Variants in MAP3K5 observed in about 807,000 individuals in gnomAD.
MAP3K5 encodes the protein ASK-1.
In MAP3K5, 56 loss-of-function variants were observed where a neutral mutation model predicts 158.7. That is an observed-to-expected ratio of 0.35 (90% CI 0.28 to 0.44). The LOEUF is 0.44. MAP3K5 is among the 20% of genes least tolerant of loss of function. The pLI is 1.00. For missense variants in MAP3K5, 1,294 were observed against 1,674.8 expected (o/e 0.77, Z 3.97); for synonymous variants, 579 against 601.7 (o/e 0.96, Z 0.55).
At chr6:136,640,141 T>C (rs1252816062) in intron 12 of MAP3K5, among the ~76,000 whole-genome samples, 1 of 152,196 alleles carries the variant, frequency 6.6e-6, no homozygotes, top group Non-Finnish European at 1.5e-5. Flanking sequence ...ACTCAGTGAG[T>C]GGCTGACTTT....
intron 1 of MAP3K5, among the ~76,000 whole-genome samples, chr6:136,749,073 T>C (rs1475604096): frequency 6.6e-6 from 1 of 152,250 alleles, no homozygotes; most frequent in Non-Finnish European, 1.5e-5. Context: ...GCACAGTGGC[T>C]CATGCCTATA....
chr6:136,718,272 T>C (rs900972292), intron 2 of MAP3K5, among the ~76,000 whole-genome samples: 2 of 152,180 alleles, frequency 1.3e-5, no homozygotes, highest in Admixed American at 6.5e-5. Flanking sequence ...TGCAGTGGTG[T>C]GATCTCAGCT....
chr6:136,589,598 T>G (rs1420085065), intron 23 of MAP3K5, among the ~76,000 whole-genome samples: 2 of 152,284 alleles, frequency 1.3e-5, no homozygotes, highest in East Asian at 3.9e-4. Flanking sequence ...ATGGGATATA[T>G]TTGGAGACAG....
intron 14 of MAP3K5, among the ~76,000 whole-genome samples, chr6:136,624,766 G>A (rs1776958766): frequency 6.6e-6 from 1 of 152,086 alleles, no homozygotes; most frequent in African/African-American, 2.4e-5. Flanking sequence ...ATGGAGTTAG[G>A]TAGATGAAAA....
At chr6:136,614,032 G>A (rs1335059841) in intron 16 of MAP3K5, 127 bp downstream of exon 16, 1 of 931,742 alleles carries the variant, frequency 1.1e-6, no homozygotes, top group Non-Finnish European at 1.6e-6. Flanking sequence ...TGGAGGTAAT[G>A]TCACATGTCC....
chr6:136,700,835 G>C (rs1202316015), intron 3 of MAP3K5, among the ~76,000 whole-genome samples: 1 of 152,192 alleles, frequency 6.6e-6, no homozygotes, highest in East Asian at 1.9e-4. Context: ...CAGAGGCTGA[G>C]AACTAGAAAG....
chr6:136,625,302 G>A (rs1776982202), intron 14 of MAP3K5, among the ~76,000 whole-genome samples: 1 of 152,216 alleles, frequency 6.6e-6, no homozygotes, highest in South Asian at 2.1e-4. Flanking sequence ...TATTTACCAA[G>A]ATTAAGAGTG....
chr6:136,759,478 A>ATATATATATATATATG (rs1314392417), intron 1 of MAP3K5, among the ~76,000 whole-genome samples: 5 of 143,768 alleles, frequency 3.5e-5, no homozygotes, highest in Admixed American at 7.0e-5. Context: ...ATATATATAT[A>ATATATATATATATATG]TATAAAGTTT....
chr6:136,666,939 A>C (rs1196975586), intron 8 of MAP3K5, among the ~76,000 whole-genome samples: 1 of 152,374 alleles, frequency 6.6e-6, no homozygotes, highest in East Asian at 1.9e-4. Context: ...ATGTTTGTTT[A>C]ACATGTATTA....
rs79060604 is a variant in MAP3K5, at chr6:136,631,971, G to A, written c.2016+5354C>T. Among the ~76,000 whole-genome samples, 642 of 152,260 alleles carry A rather than the reference G, an allele frequency of 4.2e-3. 2 individuals are homozygous for A. Among genetic ancestry groups the A allele is most frequent in the African/African-American group, 0.015 (612 of 41,532 alleles). ...AGAGAACAGAGAAAAGCAAGAAGGG[G>A]AGTTGAGAAATGATTCAAAGAGAAA... is the stretch of plus-strand genomic sequence containing the variant. On this transcript the variant is annotated intron_variant, in intron 14 of 29. Coordinates refer to ENST00000359015, the MANE Select transcript of MAP3K5 (RefSeq NM_005923.4).
Position 136,659,393 on chromosome 6 carries a change from G to A in MAP3K5, c.1367-15C>T, listed in dbSNP as rs772106263. On this transcript the variant is annotated splice_polypyrimidine_tract_variant and intron_variant, in intron 8 of 29. Transcript: ENST00000359015. ...TAGCTTCACCCCTAGAATACAAACA[G>A]GAAGTAGAATGTTACAAATGCACCC... 2 of 1,612,596 alleles carry A rather than the reference G, an allele frequency of 1.2e-6. No individual in the cohort carries two copies. Among genetic ancestry groups the A allele is most frequent in the Non-Finnish European group, 1.7e-6 (2 of 1,179,474 alleles).
chr6:136,611,496 A>G, intron 17 of MAP3K5, 109 bp from the exon 18 acceptor site: 1 of 598,476 alleles, frequency 1.7e-6, no homozygotes, highest in Non-Finnish European at 3.1e-6. Flanking sequence ...TACAGCTACC[A>G]ACGACATTAA....
intron 7 of MAP3K5, among the ~76,000 whole-genome samples, chr6:136,672,692 T>G (rs971215624): frequency 6.6e-6 from 1 of 152,050 alleles, no homozygotes; most frequent in Admixed American, 6.6e-5. Flanking sequence ...GAAAAAAGTC[T>G]TCCCTTTAAG....
intron 2 of MAP3K5, among the ~76,000 whole-genome samples, chr6:136,719,106 G>A (rs1338840031): frequency 1.3e-5 from 2 of 152,144 alleles, no homozygotes; most frequent in Non-Finnish European, 2.9e-5. Context: ...AACGCAGGAG[G>A]TCATGGCTGC....
chr6:136,583,505 TCTAA>T, intron 24 of MAP3K5, 46 bp downstream of exon 24: 1 of 1,472,426 alleles, frequency 6.8e-7, no homozygotes, highest in Non-Finnish European at 9.2e-7. Flanking sequence ...ATCTTATTTT[TCTAA>T]CTAATTTTAG....
intron 15 of MAP3K5, among the ~76,000 whole-genome samples, chr6:136,617,298 T>C (rs746111510): frequency 2.2e-4 from 34 of 152,212 alleles, no homozygotes; most frequent in Non-Finnish European, 3.8e-4. Context: ...CATCAACAAA[T>C]TATTCTTATC....
rs552632166 is a variant in MAP3K5, at chr6:136,645,533, T to C, written c.1789-2964A>G. Among the ~76,000 whole-genome samples, 144 of 152,276 alleles carry C rather than the reference T, an allele frequency of 9.5e-4. 2 individuals are homozygous for C. The South Asian group carries it at 0.015, about 16-fold the overall frequency. On this transcript the variant is annotated intron_variant, in intron 11 of 29. Transcript: ENST00000359015. Reference sequence around the variant, plus strand: ...CCCCAAAAGGGGGGGAAATTCTAAATAACCATTTAAAACGCCCTGCAAATA... The same window carrying C: ...CCCCAAAAGGGGGGGAAATTCTAAACAACCATTTAAAACGCCCTGCAAATA...
chr6:136,646,270 G>A (rs181391932), intron 11 of MAP3K5, among the ~76,000 whole-genome samples: 10 of 152,172 alleles, frequency 6.6e-5, no homozygotes, highest in African/African-American at 2.4e-4. Context: ...TGGTGAAAAT[G>A]GAAAATGGAC....
chr6:136,777,813 C>G lies in MAP3K5; in HGVS notation c.448+13897G>C, dbSNP rs570575510. 1.9e-3 allele frequency among the ~76,000 whole-genome samples: 162 copies of G among 83,814 alleles called. 1 individual carries two copies. The highest frequency in any genetic ancestry group is 8.8e-3 in the African/African-American group (147 of 16,622). 55.0% of individuals were successfully genotyped at this position (83,814 alleles called of 152,430 possible). A position where few individuals can be genotyped will look rare whatever the true frequency, so the allele number is the denominator to read the frequency against. ...ATTTTCTATTCTTATTCTGGCCCAG[C>G]CTTCGAATGCTTGGCATTCAGGTTG... On this transcript the variant is annotated intron_variant, in intron 1 of 29. Transcript: ENST00000359015.
Sources: gnomAD v4.1 joint callset for allele counts (sites outside exome capture counted in the v4.1 genomes callset) on GRCh38, gnomAD v4.1.1 for gene constraint, MANE v1.5 for transcripts, NCBI Gene and HGNC (gene_info 2026-07-23, HGNC 2026-07-21) for gene names.